The following VWA8 variants were observed in gnomAD, a reference collection of about 807,000 sequenced individuals.
VWA8 encodes von Willebrand factor A domain containing 8.
A neutral mutation model predicts 241.5 loss-of-function variants in VWA8; 221 were observed. The ratio of observed to expected loss-of-function variants is 0.91; its 90% CI spans 0.82 to 1.02. The LOEUF (loss-of-function observed/expected upper bound fraction) is 1.02. VWA8 is among the 50% of genes least tolerant of loss of function. VWA8 has a pLI of 0.00. For synonymous variants in VWA8, 852 were observed against 827.1 expected, an observed-to-expected ratio of 1.03 and a Z score of -0.52; for missense variants, 2,322 against 2,328.7, an observed-to-expected ratio of 1.00 and a Z score of 0.06.
chr13:41,632,205 C>T (rs752898156), intron 37 of VWA8, among the ~76,000 whole-genome samples: 3 of 152,210 alleles, frequency 2.0e-5, no homozygotes, highest in Admixed American at 6.5e-5. Context: ...ATTATTAAAG[C>T]TCAATGATCT....
intron 37 of VWA8, among the ~76,000 whole-genome samples, chr13:41,631,761 C>A (rs769317175): frequency 1.1e-4 from 16 of 152,104 alleles, no homozygotes; most frequent in Non-Finnish European, 2.4e-4. Flanking sequence ...TATAAACAAA[C>A]CTTTAAGGGA....
Position 41,611,629 on chromosome 13 carries a change from G to A in VWA8, c.4824C>T (p.Pro1608=), listed in dbSNP as rs937805373. The change falls in exon 39 of 45, where the codon CCC becomes CCT. Residue 1608 remains proline (P), a synonymous_variant. Transcript: ENST00000379310. ...CTCTAGCAGCTCTCTTGACCTCTTC[G>A]GGAACTGCATCTTTCTCAGCCTGAG... ...QVSQAEKDAV[P]EEVKRAAREM... is the part of the protein sequence containing the mutation. 9.9e-6 allele frequency: 16 copies of A among 1,613,912 alleles called. No individual in the cohort carries two copies. In the Middle Eastern group the frequency reaches 4.9e-4, roughly 50 times the overall value.
chr13:41,743,842 C>T (rs2045585292), intron 21 of VWA8, among the ~76,000 whole-genome samples: 1 of 152,194 alleles, frequency 6.6e-6, no homozygotes, highest in Non-Finnish European at 1.5e-5. Flanking sequence ...AAGAACAGTA[C>T]TATGGACATA....
chr13:41,752,305 C>G (rs528001772), intron 21 of VWA8, among the ~76,000 whole-genome samples: 1 of 152,172 alleles, frequency 6.6e-6, no homozygotes, highest in Non-Finnish European at 1.5e-5. Flanking sequence ...TCCACATCAC[C>G]TTCTACCATA....
At chr13:41,934,514 T>C (rs1324602552) in intron 2 of VWA8, among the ~76,000 whole-genome samples, 2 of 152,056 alleles carry the variant, frequency 1.3e-5, no homozygotes, top group Admixed American at 1.3e-4. Context: ...TGAGAGCAGC[T>C]TTATTTCTAA....
At chr13:41,658,540 C>G (rs1338976781) in intron 37 of VWA8, among the ~76,000 whole-genome samples, 1 of 152,224 alleles carries the variant, frequency 6.6e-6, no homozygotes, top group Non-Finnish European at 1.5e-5. Flanking sequence ...TGAACCCTAT[C>G]TTCTCTCCAA....
chr13:41,834,081 T>C (rs1280911046), intron 12 of VWA8, among the ~76,000 whole-genome samples: 1 of 152,198 alleles, frequency 6.6e-6, no homozygotes, highest in Non-Finnish European at 1.5e-5. Context: ...TGGAGGAAAT[T>C]GAAGAGGACA....
chr13:41,722,447 T>G (rs2045400346), intron 24 of VWA8, among the ~76,000 whole-genome samples: 1 of 152,178 alleles, frequency 6.6e-6, no homozygotes, highest in South Asian at 2.1e-4. Context: ...GATCTTACTT[T>G]GATTTAGGAA....
At chr13:41,923,331 T>C (rs1400000577) in intron 2 of VWA8, among the ~76,000 whole-genome samples, 1 of 152,006 alleles carries the variant, frequency 6.6e-6, no homozygotes. Context: ...ATATATCTAA[T>C]GTAAATGATG....
At chr13:41,612,053 T>C (rs1253887507) in intron 38 of VWA8, among the ~76,000 whole-genome samples, 1 of 152,212 alleles carries the variant, frequency 6.6e-6, no homozygotes, top group South Asian at 2.1e-4. Flanking sequence ...ACCAACTATA[T>C]GATGGATGAG....
intron 15 of VWA8, among the ~76,000 whole-genome samples, chr13:41,818,190 T>C (rs1316247401): frequency 1.3e-5 from 2 of 150,244 alleles, no homozygotes; most frequent in South Asian, 2.2e-4. Flanking sequence ...CTCGAACTCC[T>C]GACCTCAGGT....
At chr13:41,617,964 A>G (rs565798461) in intron 37 of VWA8, among the ~76,000 whole-genome samples, 2 of 152,286 alleles carry the variant, frequency 1.3e-5, no homozygotes, top group Non-Finnish European at 2.9e-5. Context: ...TTATAGTAGC[A>G]TGATTTATAA....
At chr13:41,581,401 C>A (rs1253976759) in intron 42 of VWA8, among the ~76,000 whole-genome samples, 1 of 152,204 alleles carries the variant, frequency 6.6e-6, no homozygotes, top group Admixed American at 6.5e-5. Flanking sequence ...TACATAATCC[C>A]TAACACAATG....
In VWA8 at chr13:41,575,726, T is replaced by A. The variant is rs1239827868; in HGVS notation, c.5370+14A>T. On this transcript the variant is annotated intron_variant, in intron 43 of 44. Coordinates refer to ENST00000379310, the MANE Select transcript of VWA8 (RefSeq NM_015058.2). ...AGAAGCTTTCATAATACAGAGGTAA[T>A]AAAATATATTTACCTTCAGAATTTC... is the stretch of plus-strand genomic sequence containing the variant. 6.4e-7 allele frequency: 1 copy of A among 1,572,894 alleles called. No individual in the cohort carries two copies. The highest frequency in any genetic ancestry group is 8.7e-7 in the Non-Finnish European group (1 of 1,145,196).
chr13:41,865,671 A>T (rs1873256115), intron 12 of VWA8, 65 bp downstream of exon 12: 1 of 1,557,624 alleles, frequency 6.4e-7, no homozygotes, highest in African/African-American at 1.4e-5. Context: ...GATATCCATA[A>T]ATTCTGCTGA....
In VWA8 at chr13:41,689,495, G is replaced by C; in HGVS notation, c.3990C>G (p.Ser1330Arg). ...GFGVTQETEF[S>R]IPHKISSDQL... ...GATCACTGGAAATTTTATGAGGTAT[G>C]CTGAACTCTGTTTCTGAAAAGTACA... Residue 1330 changes from serine (S) to arginine (R), a missense_variant, in exon 34 of 45, where the codon AGC becomes AGG. Ser to Arg is a moderately radical substitution (Grantham distance 110). Transcript: ENST00000379310. 6.2e-7 allele frequency: 1 copy of C among 1,607,024 alleles called. No individual in the cohort carries two copies. The highest frequency in any genetic ancestry group is 8.5e-7 in the Non-Finnish European group (1 of 1,177,336).
At chr13:41,827,965 T>C (rs908820310) in intron 14 of VWA8, among the ~76,000 whole-genome samples, 1 of 152,228 alleles carries the variant, frequency 6.6e-6, no homozygotes, top group African/African-American at 2.4e-5. Context: ...CTTTGATTCA[T>C]CCTTCTGAAA....
Position 41,811,291 on chromosome 13 carries a change from G to A in VWA8, c.1997C>T (p.Ser666Phe). The change falls in exon 17 of 45, where the codon TCT (serine) becomes TTT (phenylalanine). Residue 666 changes from serine (S) to phenylalanine (F), a missense_variant. Coordinates refer to ENST00000379310, the MANE Select transcript of VWA8 (RefSeq NM_015058.2). ...ATTAGGATACTGTGACAGCCGACGA[G>A]AAATTCGCAACAGTTGTCTGGTAGA... Reference protein sequence around the residue: ...SLSTRQLLRISRRLSQYPNEN... With the variant: ...SLSTRQLLRIFRRLSQYPNEN... 2 of 1,611,226 alleles carry A rather than the reference G, an allele frequency of 1.2e-6. No individual in the cohort carries two copies. The highest frequency in any genetic ancestry group is 8.5e-7 in the Non-Finnish European group (1 of 1,177,824).
intron 37 of VWA8, among the ~76,000 whole-genome samples, chr13:41,624,759 G>T (rs924753801): frequency 6.6e-6 from 1 of 152,058 alleles, no homozygotes; most frequent in African/African-American, 2.4e-5. Flanking sequence ...TTTGAGAATC[G>T]AAACAAGACA....
Sources: gnomAD v4.1 joint callset for allele counts (sites outside exome capture counted in the v4.1 genomes callset) on GRCh38, gnomAD v4.1.1 for gene constraint, MANE v1.5 for transcripts, NCBI Gene and HGNC (gene_info 2026-07-23, HGNC 2026-07-21) for gene names.